NKIRAS1: variants seen among roughly 807,000 people sequenced by gnomAD.
NKIRAS1 encodes the protein NF-kappa-B inhibitor-interacting Ras-like protein 1.
A neutral mutation model predicts 19.8 loss-of-function variants in NKIRAS1; 16 were observed. The ratio of observed to expected loss-of-function variants is 0.81; its 90% confidence interval spans 0.55 to 1.23. NKIRAS1 has a LOEUF of 1.23. Among genes scored for constraint, NKIRAS1 ranks in the 50% most tolerant of loss-of-function variants. NKIRAS1 has a pLI of 0.00. For synonymous variants in NKIRAS1, 88 were observed against 79.0 expected (o/e 1.11, Z -0.61); for missense variants, 184 against 220.0 (o/e 0.84, Z 1.04).
chr3:23,932,383 G>A (rs977468606), intron 1 of NKIRAS1, among the ~76,000 whole-genome samples: 8 of 152,168 alleles, frequency 5.3e-5, no homozygotes, highest in East Asian at 1.9e-4. Context: ...AATTAATCTC[G>A]CATAAGGACT....
intron 1 of NKIRAS1, among the ~76,000 whole-genome samples, chr3:23,945,016 G>C (rs999169435): frequency 3.3e-5 from 5 of 152,026 alleles, no homozygotes; most frequent in African/African-American, 1.2e-4. Flanking sequence ...CGGGAGGAGA[G>C]GAAAGAGGAG....
At chr3:23,906,042 C>T (rs1387152317) in intron 3 of NKIRAS1, among the ~76,000 whole-genome samples, 1 of 151,720 alleles carries the variant, frequency 6.6e-6, no homozygotes, top group Non-Finnish European at 1.5e-5. Context: ...GACCGTAATC[C>T]CAGCTACTTG....
At chr3:23,935,482 C>G (rs1705377372) in intron 1 of NKIRAS1, among the ~76,000 whole-genome samples, 1 of 152,024 alleles carries the variant, frequency 6.6e-6, no homozygotes, top group East Asian at 1.9e-4. Flanking sequence ...GTGGCATGAT[C>G]AGGGCTCACT....
At chr3:23,937,482 A>C (rs1422385709) in intron 1 of NKIRAS1, among the ~76,000 whole-genome samples, 1 of 152,090 alleles carries the variant, frequency 6.6e-6, no homozygotes, top group Non-Finnish European at 1.5e-5. Flanking sequence ...TGAATGGGAA[A>C]ATTTGTGAGT....
rs114200384 is a variant in NKIRAS1, at chr3:23,894,177, G to C, written c.337-840C>G. ...TTACTATACACCAGACACTGCGCGTGACAGAATACAGCAGTCAAAGCTCGG... is the reference window on the plus strand; with the variant it reads ...TTACTATACACCAGACACTGCGCGTCACAGAATACAGCAGTCAAAGCTCGG... On this transcript the variant is annotated intron_variant, in intron 4 of 4. Transcript: ENST00000425478. Among the ~76,000 whole-genome samples the C allele has an allele frequency of 9.4e-3, 1,434 of 152,312 alleles. 24 individuals carry two copies. Among genetic ancestry groups the C allele is most frequent in the African/African-American group, 0.032 (1,341 of 41,554 alleles).
upstream of NKIRAS1, chr3:23,920,493 A>G (rs1358405490): frequency 2.0e-6 from 2 of 984,900 alleles, no homozygotes; most frequent in African/African-American, 3.5e-5. Context: ...CACTTTGACT[A>G]TGAGTATACC....
rs1701734621 is a variant in NKIRAS1, at chr3:23,894,130, TAGG to T, written c.337-796_337-794del. Among the ~76,000 whole-genome samples, 6 of 152,096 alleles carry T rather than the reference TAGG, an allele frequency of 3.9e-5. No homozygotes were observed. In the South Asian group the frequency reaches 1.2e-3, roughly 31 times the overall value. On this transcript the variant is annotated intron_variant, in intron 4 of 4. Coordinates refer to ENST00000425478, the MANE Select transcript of NKIRAS1 (RefSeq NM_020345.4). ...CAAAAACAAAAAAAGTATGTGCCAA[TAGG>T]AACATTTTACACGAATGCTTACTAT...
intron 1 of NKIRAS1, among the ~76,000 whole-genome samples, chr3:23,936,578 CCTCT>C (rs915723482): frequency 6.6e-6 from 1 of 151,980 alleles, no homozygotes; most frequent in African/African-American, 2.4e-5. Flanking sequence ...ACGGAGTCTC[CCTCT>C]GTCGCCCAGG....
chr3:23,904,414 C>T (rs562199404), intron 3 of NKIRAS1, among the ~76,000 whole-genome samples: 36 of 152,254 alleles, frequency 2.4e-4, no homozygotes, highest in African/African-American at 8.2e-4. Flanking sequence ...GCTGTGTCCT[C>T]ACATGGTGGG....
intron 1 of NKIRAS1, among the ~76,000 whole-genome samples, chr3:23,929,905 T>C (rs937750437): frequency 2.0e-5 from 3 of 152,216 alleles, no homozygotes; most frequent in African/African-American, 2.4e-5. Flanking sequence ...GTTATCATTT[T>C]GGTTTATTTT....
intron 1 of NKIRAS1, among the ~76,000 whole-genome samples, chr3:23,940,370 A>G (rs2125271254): frequency 6.6e-6 from 1 of 152,144 alleles, no homozygotes. Context: ...AAAAACTGCA[A>G]CAGTGTGAAT....
chr3:23,902,155 C>G lies in NKIRAS1; in HGVS notation c.95-1106G>C, dbSNP rs541361214. ...AATCACATGGATAACATCCTATACCCCCCCCAATCATACTATGTTATAGTT... is the reference window on the plus strand; with the variant it reads ...AATCACATGGATAACATCCTATACCGCCCCCAATCATACTATGTTATAGTT... On this transcript the variant is annotated intron_variant, in intron 3 of 4. Coordinates refer to ENST00000425478, the MANE Select transcript of NKIRAS1 (RefSeq NM_020345.4). 5.3e-5 allele frequency among the ~76,000 whole-genome samples: 8 copies of G among 152,178 alleles called. No homozygotes were observed. The South Asian group carries it at 1.7e-3, about 32-fold the overall frequency.
intron 4 of NKIRAS1, among the ~76,000 whole-genome samples, chr3:23,899,962 G>A (rs150210605): frequency 6.6e-6 from 1 of 151,836 alleles, no homozygotes; most frequent in Non-Finnish European, 1.5e-5. Context: ...AGGAGATCGA[G>A]ACCATCCTGG....
chr3:23,899,467 TTTTG>T (rs1184931638), intron 4 of NKIRAS1, among the ~76,000 whole-genome samples: 1 of 152,236 alleles, frequency 6.6e-6, no homozygotes, highest in South Asian at 2.1e-4. Flanking sequence ...TTGTTTTGTT[TTTTG>T]TTTTTTTTCT....
intron 2 of NKIRAS1, 113 bp downstream of exon 2, chr3:23,911,216 G>A: frequency 4.3e-6 from 1 of 234,810 alleles, no homozygotes; most frequent in South Asian, 6.0e-5. Context: ...CACTTTGGGA[G>A]TCCAAGGCGG....
In NKIRAS1 at chr3:23,892,305, G is replaced by A. The variant is rs1701527957; in HGVS notation, c.*790C>T. The A allele has an allele frequency of 2.6e-5, 4 of 152,076 alleles. No homozygotes were observed. 9.4% of individuals were successfully genotyped at this position (152,076 alleles called of 1,614,324 possible). A position where few individuals can be genotyped will look rare whatever the true frequency, so the allele number is the denominator to read the frequency against. On this transcript the variant is annotated 3_prime_UTR_variant, in exon 5 of 5. Transcript: ENST00000425478. The stretch of plus-strand genomic sequence containing the variant: ...GCCCAATATTTTTGATACTTTTATT[G>A]TATATGACTAGTTTTCTAGAAAACT...
chr3:23,927,031 C>T lies in NKIRAS1; in HGVS notation c.-139-15581G>A, dbSNP rs186416070. Among the ~76,000 whole-genome samples the T allele has an allele frequency of 1.0e-3, 157 of 152,296 alleles. No homozygotes were observed. The highest frequency in any genetic ancestry group is 3.5e-3 in the African/African-American group (147 of 41,560). On this transcript the variant is annotated intron_variant, in intron 1 of 4. Transcript: ENST00000421515. The surrounding 1 kb of genome is among the most constrained non-coding windows in gnomAD (Gnocchi z 4.0). ...CAAGCAACACTCTCCACAGCCCCAA[C>T]ATCATTCCAGTTCAGCCTTGGGAAG...
intron 1 of NKIRAS1, among the ~76,000 whole-genome samples, chr3:23,942,882 G>C (rs1217311673): frequency 6.6e-6 from 1 of 152,106 alleles, no homozygotes; most frequent in Non-Finnish European, 1.5e-5. Context: ...TGAGTAGCTG[G>C]GACTACAGTT....
At chr3:23,920,089 T>C (rs906436203), upstream of NKIRAS1, 39 of 985,774 alleles carry the variant, frequency 4.0e-5, no homozygotes, top group Non-Finnish European at 4.5e-5. Context: ...TGAAGTTGAA[T>C]GTGCGATAAA....
Sources: gnomAD v4.1 joint callset for allele counts (sites outside exome capture counted in the v4.1 genomes callset) on GRCh38, gnomAD v4.1.1 for gene constraint, Gnocchi (gnomAD v3.1) non-coding constraint, MANE v1.5 for transcripts, NCBI Gene and HGNC (gene_info 2026-07-23, HGNC 2026-07-21) for gene names.